Variants in CEP126 observed in about 807,000 individuals in gnomAD.
CEP126 encodes the protein centrosomal protein 126.
CEP126 carries 74 observed loss-of-function variants against 107.8 expected under a neutral mutation model. The ratio of observed to expected loss-of-function variants is 0.69; its 90% CI spans 0.57 to 0.83. CEP126 has a LOEUF of 0.83. CEP126 is among the 40% of genes least tolerant of loss of function. The pLI is 0.00. For synonymous variants in CEP126, 449 were observed against 446.0 expected (o/e 1.01, Z -0.08); for missense variants, 1,237 against 1,281.9 (o/e 0.96, Z 0.53).
At chr11:101,967,065 G>A (rs1185787034) in intron 6 of CEP126, among the ~76,000 whole-genome samples, 2 of 64,868 alleles carry the variant, frequency 3.1e-5, no homozygotes, top group African/African-American at 1.3e-4. Flanking sequence ...GTCTCACTTT[G>A]TTGACCAGGC....
intron 2 of CEP126, among the ~76,000 whole-genome samples, chr11:101,936,118 A>G (rs1173199263): frequency 6.6e-6 from 1 of 152,138 alleles, no homozygotes; most frequent in Non-Finnish European, 1.5e-5. Context: ...CTTGATAACA[A>G]TTCTAATTGC....
chr11:101,928,315 T>C (rs1344139947), intron 2 of CEP126, among the ~76,000 whole-genome samples: 2 of 152,194 alleles, frequency 1.3e-5, no homozygotes, highest in African/African-American at 4.8e-5. Flanking sequence ...TTGGAGATTA[T>C]TTTTCCATCT....
At chr11:101,938,105 A>T (rs1940612662) in intron 2 of CEP126, among the ~76,000 whole-genome samples, 1 of 139,652 alleles carries the variant, frequency 7.2e-6, no homozygotes, top group African/African-American at 2.6e-5. Context: ...GTGAGCCGAG[A>T]TTGCGCCACT....
At chr11:101,981,545 G>A (rs1003800746) in intron 7 of CEP126, among the ~76,000 whole-genome samples, 6 of 151,968 alleles carry the variant, frequency 3.9e-5, no homozygotes, top group Non-Finnish European at 7.4e-5. Flanking sequence ...TGCCCACCTC[G>A]GCCTCCCAAA....
intron 6 of CEP126, among the ~76,000 whole-genome samples, chr11:101,972,467 A>G (rs1021245162): frequency 2.0e-5 from 3 of 151,268 alleles, no homozygotes; most frequent in Admixed American, 2.0e-4. Context: ...CTTCTTCCCA[A>G]TTGCATCCCC....
chr11:101,934,984 C>A (rs1267885417), intron 2 of CEP126, among the ~76,000 whole-genome samples: 6 of 152,150 alleles, frequency 3.9e-5, no homozygotes, highest in African/African-American at 1.4e-4. Flanking sequence ...AAACAGTTTT[C>A]CAAAAGGGCT....
At chr11:101,983,653 C>T (rs771001253) in intron 8 of CEP126, among the ~76,000 whole-genome samples, 1 of 152,144 alleles carries the variant, frequency 6.6e-6, no homozygotes, top group Non-Finnish European at 1.5e-5. Context: ...CCAAGGTCAT[C>T]GCTGATGAAT....
intron 4 of CEP126, 41 bp from the exon 5 acceptor site, chr11:101,958,127 T>A (rs762466872): frequency 6.4e-7 from 1 of 1,554,768 alleles, no homozygotes. Context: ...GAAGTTAACT[T>A]TATTTAAATG....
At chr11:101,988,776 A>AGG (rs1284309760) in intron 9 of CEP126, among the ~76,000 whole-genome samples, 1 of 117,456 alleles carries the variant, frequency 8.5e-6, no homozygotes, top group African/African-American at 3.2e-5. Context: ...ATATATGTAT[A>AGG]TGTATATATA....
chr11:101,922,670 T>C lies in CEP126; in HGVS notation c.158T>C (p.Leu53Ser). Residue 53 changes from leucine (L) to serine (S), a missense_variant, in exon 2 of 11, where the codon TTA becomes TCA. Around this residue, in one of 3 missense-constraint regions of CEP126, gnomAD observed 1,134 missense variants for 1,150.5 expected, o/e 0.99. Coordinates refer to ENST00000263468, the MANE Select transcript of CEP126 (RefSeq NM_020802.4). Reference sequence around the variant, plus strand: ...ATGAAAATCCATCTGGAGAAAAATTTAGAAGAAGAGCGCCAGATATTACTG... The same window carrying C: ...ATGAAAATCCATCTGGAGAAAAATTCAGAAGAAGAGCGCCAGATATTACTG... ...LDMKIHLEKN[L>S]EEERQILLQQ... 1 of 1,609,236 alleles carries C rather than the reference T, an allele frequency of 6.2e-7. No individual in the cohort carries two copies. The highest frequency in any genetic ancestry group is 8.5e-7 in the Non-Finnish European group (1 of 1,175,876).
chr11:101,922,592 CA>C (rs746660702), intron 1 of CEP126, 48 bp from the exon 2 acceptor site: 1 of 1,433,142 alleles, frequency 7.0e-7, no homozygotes, highest in Non-Finnish European at 9.8e-7. Flanking sequence ...CACTGACAGT[CA>C]TCCACTAAAG....
chr11:101,942,407 T>A (rs368005660), intron 2 of CEP126, among the ~76,000 whole-genome samples: 2 of 152,082 alleles, frequency 1.3e-5, no homozygotes, highest in East Asian at 3.8e-4. Flanking sequence ...TTGGCATCCT[T>A]GTGGAAAATC....
chr11:101,921,703 T>A (rs1325780955), intron 1 of CEP126, among the ~76,000 whole-genome samples: 1 of 118,128 alleles, frequency 8.5e-6, no homozygotes, highest in African/African-American at 3.2e-5. Flanking sequence ...TGAGACTCTG[T>A]CTCAAAAAAA....
chr11:101,968,549 C>G, intron 6 of CEP126, among the ~76,000 whole-genome samples: 1 of 151,918 alleles, frequency 6.6e-6, no homozygotes, highest in East Asian at 1.9e-4. Flanking sequence ...AATTGTTGAC[C>G]AATGATAAAT....
chr11:101,939,755 C>T (rs1940639810), intron 2 of CEP126, among the ~76,000 whole-genome samples: 1 of 152,094 alleles, frequency 6.6e-6, no homozygotes, highest in Non-Finnish European at 1.5e-5. Context: ...GAGATATTAC[C>T]AAACAACTTC....
At chr11:101,959,778 C>A (rs1940948533) in intron 5 of CEP126, among the ~76,000 whole-genome samples, 1 of 152,106 alleles carries the variant, frequency 6.6e-6, no homozygotes, top group Non-Finnish European at 1.5e-5. Flanking sequence ...ATGGACTTAA[C>A]ATTGCAGTCA....
At position 101,978,457 on chromosome 11, in the gene CEP126, A is replaced by C. The variant is rs1416440717; in HGVS notation, c.2956A>C (p.Asn986His). Residue 986 changes from asparagine to histidine, a missense_variant and splice_region_variant, in exon 7 of 11, where the codon AAT becomes CAT. By Grantham distance (68) the Asn-to-His change is moderately conservative. Coordinates refer to ENST00000263468, the MANE Select transcript of CEP126 (RefSeq NM_020802.4). ...SVGQKYSEQI[N>H]NFGQSVLLSS... is the part of the protein sequence containing the mutation. ...AGGACAGAAGTACAGTGAGCAAATT[A>C]ATGTAAGTATGGTATTAATCAAAAT... 1 of 1,571,706 alleles carries C rather than the reference A, an allele frequency of 6.4e-7. No homozygotes were observed. The highest frequency in any genetic ancestry group is 2.2e-5 in the East Asian group (1 of 44,554).
intron 2 of CEP126, among the ~76,000 whole-genome samples, chr11:101,938,467 G>T (rs1231935176): frequency 6.8e-6 from 1 of 147,686 alleles, no homozygotes; most frequent in African/African-American, 2.5e-5. Flanking sequence ...TTCTTCTTTA[G>T]GATAAATTTG....
chr11:101,955,008 G>A (rs1360801609), intron 4 of CEP126, among the ~76,000 whole-genome samples: 3 of 152,060 alleles, frequency 2.0e-5, no homozygotes, highest in African/African-American at 7.2e-5. Flanking sequence ...AGAAGCAGAG[G>A]TATATCAGTA....
Sources: gnomAD v4.1 joint callset for allele counts (sites outside exome capture counted in the v4.1 genomes callset) on GRCh38, gnomAD v4.1.1 for gene constraint, gnomAD v4.1.1 regional missense constraint, MANE v1.5 for transcripts, NCBI Gene and HGNC (gene_info 2026-07-23, HGNC 2026-07-21) for gene names.